Variants in PTPRN2 observed in about 807,000 individuals in gnomAD.
The protein encoded by PTPRN2 is protein tyrosine phosphatase receptor type N2.
A neutral mutation model predicts 118.8 loss-of-function variants in PTPRN2; 74 were observed. That is an observed-to-expected ratio of 0.62 (90% CI 0.52 to 0.76). The LOEUF is 0.76. Ranked by LOEUF, PTPRN2 falls within the 30% of genes least tolerant of loss-of-function variation. PTPRN2 has a pLI of 0.00. For synonymous variants in PTPRN2, 641 were observed against 608.0 expected (o/e 1.05, Z -0.80); for missense variants, 1,481 against 1,394.4 (o/e 1.06, Z -0.99).
chr7:158,311,161 G>A (rs571450237), intron 3 of PTPRN2, among the ~76,000 whole-genome samples: 12 of 152,328 alleles, frequency 7.9e-5, no homozygotes, highest in African/African-American at 2.4e-4. Context: ...CGGCAAGCAC[G>A]TCCCCAGCAG....
rs1221378271 is a variant in PTPRN2 at position 157,808,315 on chromosome 7, G to A, written c.1788+90358C>T. On this transcript the variant is annotated intron_variant, in intron 12 of 22. Transcript: ENST00000389418. This position sits in a 1 kb window ranked among gnomAD's most constrained non-coding sequence, Gnocchi z 5.0. ...CGGTGAGTGGTGGGTGAGTGAGTAC[G>A]TGAGTGGCAGGTAAGCGGGTGAGTG... Among the ~76,000 whole-genome samples, 5 of 152,008 alleles carry A rather than the reference G, an allele frequency of 3.3e-5. No homozygotes were observed. Among genetic ancestry groups the A allele is most frequent in the African/African-American group, 2.4e-5 (1 of 41,372 alleles).
chr7:157,878,018 C>T (rs540021584), intron 12 of PTPRN2, among the ~76,000 whole-genome samples: 3 of 152,350 alleles, frequency 2.0e-5, no homozygotes, highest in Non-Finnish European at 2.9e-5. Context: ...TGATGCGGAG[C>T]GAAGGCTACT....
rs186500425 is a variant in PTPRN2, at chr7:158,466,523, C to T, written c.163+23212G>A. ...AATGACAGGATCTCCTTTTTTAAGGCTGAATAGTATCCATTGTGTATGTAT... is the reference window on the plus strand; with the variant it reads ...AATGACAGGATCTCCTTTTTTAAGGTTGAATAGTATCCATTGTGTATGTAT... On this transcript the variant is annotated intron_variant, in intron 2 of 22. Coordinates refer to ENST00000389418, the MANE Select transcript of PTPRN2 (RefSeq NM_002847.5). Among the ~76,000 whole-genome samples, 4 of 152,312 alleles carry T rather than the reference C, an allele frequency of 2.6e-5. No homozygotes were observed. The East Asian group carries it at 7.7e-4, about 29-fold the overall frequency.
At chr7:157,936,268 G>GACTGAGACTT (rs1799691214) in intron 11 of PTPRN2, among the ~76,000 whole-genome samples, 12 of 152,198 alleles carry the variant, frequency 7.9e-5, no homozygotes, top group Admixed American at 7.9e-4. Context: ...GACTGAGACT[G>GACTGAGACTT]ACTGAGCCGA....
At chr7:157,709,348 C>T (rs923709339) in intron 12 of PTPRN2, among the ~76,000 whole-genome samples, 2 of 152,208 alleles carry the variant, frequency 1.3e-5, no homozygotes, top group Non-Finnish European at 2.9e-5. Context: ...ATGACAAAGA[C>T]GATTTTGACC....
At chr7:158,149,284 C>G (rs919000106) in intron 6 of PTPRN2, among the ~76,000 whole-genome samples, 5 of 152,284 alleles carry the variant, frequency 3.3e-5, no homozygotes, top group Admixed American at 1.3e-4. Context: ...GACCTCCAAA[C>G]TTTTATAAAG....
intron 13 of PTPRN2, among the ~76,000 whole-genome samples, chr7:157,667,602 C>A (rs73163856): frequency 0.095 from 14,428 of 152,220 alleles, 724 homozygotes; most frequent in Middle Eastern, 0.13. Context: ...CTGATGAGAC[C>A]CTCTCCCTGC....
chr7:158,431,867 C>G (rs902941164), intron 2 of PTPRN2, among the ~76,000 whole-genome samples: 9 of 152,256 alleles, frequency 5.9e-5, no homozygotes, highest in Non-Finnish European at 1.0e-4. Context: ...CCAGGGGAAG[C>G]TGTGTCTGAG....
chr7:158,553,269 T>A (rs894798903), intron 1 of PTPRN2, among the ~76,000 whole-genome samples: 4 of 149,718 alleles, frequency 2.7e-5, no homozygotes, highest in African/African-American at 9.9e-5. Context: ...GGCTTGGGAG[T>A]CTACACCACA....
chr7:157,809,773 C>T (rs555135442), intron 12 of PTPRN2, among the ~76,000 whole-genome samples: 13 of 152,250 alleles, frequency 8.5e-5, no homozygotes, highest in South Asian at 2.1e-4. Flanking sequence ...TTCCGGCCCG[C>T]GGTCCCGTCA....
At chr7:157,969,264 C>T (rs1802152188) in intron 11 of PTPRN2, among the ~76,000 whole-genome samples, 1 of 152,162 alleles carries the variant, frequency 6.6e-6, no homozygotes, top group South Asian at 2.1e-4. Flanking sequence ...TGCATACCAC[C>T]ATGCCCAGCT....
At chr7:158,575,794 T>A (rs1010527538) in intron 1 of PTPRN2, among the ~76,000 whole-genome samples, 3 of 152,170 alleles carry the variant, frequency 2.0e-5, no homozygotes, top group Non-Finnish European at 4.4e-5. Context: ...AATCAACACA[T>A]CTCTTGAGAA....
intron 12 of PTPRN2, among the ~76,000 whole-genome samples, chr7:157,775,147 C>T (rs1621418): frequency 0.19 from 29,174 of 152,134 alleles, 3,242 homozygotes; most frequent in East Asian, 0.31. Flanking sequence ...CGCCTCACTC[C>T]GTCACGGCAG....
At chr7:158,331,270 GCTGACACCCGCAGAC>G (rs1804375947) in intron 2 of PTPRN2, among the ~76,000 whole-genome samples, 1 of 145,290 alleles carries the variant, frequency 6.9e-6, no homozygotes, top group Non-Finnish European at 1.5e-5. Context: ...CACCATAAGA[GCTGACACCCGCAGAC>G]GTCACTCACA....
chr7:158,275,189 G>A (rs762251556), intron 3 of PTPRN2, among the ~76,000 whole-genome samples: 30 of 151,828 alleles, frequency 2.0e-4, no homozygotes, highest in Non-Finnish European at 2.8e-4. Flanking sequence ...GGACAGCACC[G>A]TGGCTGTGGG....
intron 3 of PTPRN2, among the ~76,000 whole-genome samples, chr7:158,259,828 A>G (rs1797274059): frequency 6.8e-6 from 1 of 147,422 alleles, no homozygotes; most frequent in African/African-American, 2.5e-5. Context: ...GTGTACACAT[A>G]TGTGAATGTG....
At chr7:157,875,076 C>T (rs1376449072) in intron 12 of PTPRN2, among the ~76,000 whole-genome samples, 1 of 152,154 alleles carries the variant, frequency 6.6e-6, no homozygotes, top group Non-Finnish European at 1.5e-5. Flanking sequence ...CACACGCTCA[C>T]TCACAGGCAA....
chr7:157,768,510 T>A (rs576927824), intron 12 of PTPRN2, among the ~76,000 whole-genome samples: 1 of 152,232 alleles, frequency 6.6e-6, no homozygotes, highest in African/African-American at 2.4e-5. Context: ...GCCGCAACAC[T>A]TGTCTTCAAG....
intron 3 of PTPRN2, among the ~76,000 whole-genome samples, chr7:158,242,546 G>A (rs144379021): frequency 1.4e-4 from 21 of 152,294 alleles, no homozygotes; most frequent in Admixed American, 4.6e-4. Flanking sequence ...TGATGGCCTC[G>A]TAAAATCTGT....
Sources: gnomAD v4.1 joint callset for allele counts (sites outside exome capture counted in the v4.1 genomes callset) on GRCh38, gnomAD v4.1.1 for gene constraint, Gnocchi (gnomAD v3.1) non-coding constraint, MANE v1.5 for transcripts, NCBI Gene and HGNC (gene_info 2026-07-23, HGNC 2026-07-21) for gene names.